Variants in IKBKB observed in about 807,000 individuals in gnomAD.
IKBKB encodes the protein inhibitor of nuclear factor kappa B kinase subunit beta.
IKBKB carries 42 observed loss-of-function variants against 113.6 expected under a neutral mutation model. That is an observed-to-expected ratio of 0.37 (90% CI 0.29 to 0.48). The LOEUF is 0.48. Ranked by LOEUF, IKBKB falls within the 20% of genes least tolerant of loss-of-function variation. The pLI is 0.99. For synonymous variants in IKBKB, 296 were observed against 361.3 expected, an observed-to-expected ratio of 0.82 and a Z score of 2.05; for missense variants, 673 against 939.7, an observed-to-expected ratio of 0.72 and a Z score of 3.71.
chr8:42,296,904 C>T (rs1434716127), intron 5 of IKBKB, among the ~76,000 whole-genome samples: 1 of 152,216 alleles, frequency 6.6e-6, no homozygotes, highest in Non-Finnish European at 1.5e-5. Context: ...AAGCTCCTAG[C>T]ACAATGCTCT....
intron 4 of IKBKB, among the ~76,000 whole-genome samples, chr8:42,292,900 G>A (rs569991029): frequency 6.6e-6 from 1 of 152,324 alleles, no homozygotes; most frequent in African/African-American, 2.4e-5. Flanking sequence ...TTACTCAGTG[G>A]TGGTGGTTAG....
intron 5 of IKBKB, among the ~76,000 whole-genome samples, chr8:42,304,113 T>C (rs1041896222): frequency 6.6e-6 from 1 of 152,324 alleles, no homozygotes; most frequent in Admixed American, 6.5e-5. Context: ...TGGATATAGC[T>C]AACATAGAGA....
chr8:42,308,380 C>T (rs1056308635), intron 7 of IKBKB, among the ~76,000 whole-genome samples: 6 of 151,506 alleles, frequency 4.0e-5, no homozygotes, highest in Non-Finnish European at 8.8e-5. Flanking sequence ...TCACTGCAAC[C>T]TCCACTTCCC....
intron 19 of IKBKB, chr8:42,325,484 G>A: frequency 1.3e-6 from 1 of 793,470 alleles, no homozygotes; most frequent in South Asian, 5.7e-5. Flanking sequence ...TTCGAGACCA[G>A]CCTGGCCAAT....
At chr8:42,271,551 C>T (rs1025087269) in intron 1 of IKBKB, 82 bp downstream of exon 1, 11 of 574,900 alleles carry the variant, frequency 1.9e-5, no homozygotes, top group Non-Finnish European at 3.0e-5. Context: ...GAAGACCCCT[C>T]TGTGCCGCTG....
At chr8:42,304,198 G>A (rs1816029552) in intron 5 of IKBKB, among the ~76,000 whole-genome samples, 1 of 152,170 alleles carries the variant, frequency 6.6e-6, no homozygotes, top group Admixed American at 6.5e-5. Flanking sequence ...AGTCTGTTGA[G>A]CTCTCTAGGC....
chr8:42,272,981 G>A (rs898152230), intron 2 of IKBKB, among the ~76,000 whole-genome samples: 1 of 151,070 alleles, frequency 6.6e-6, no homozygotes, highest in Admixed American at 6.6e-5. Flanking sequence ...GCCTTGGTGC[G>A]TACCTGTAGT....
At position 42,296,869 on chromosome 8, in the gene IKBKB, G is replaced by C. The variant is rs551279634; in HGVS notation, c.388+3357G>C. ...GCGTTACTCACCTTGTTAGAATTAT[G>C]GAATAAAATGAGGTGATATAAATAA... On this transcript the variant is annotated intron_variant, in intron 5 of 21. Transcript: ENST00000520810. Among the ~76,000 whole-genome samples, 8 of 152,234 alleles carry C rather than the reference G, an allele frequency of 5.3e-5. No homozygotes were observed. The South Asian group carries it at 1.7e-3, about 32-fold the overall frequency.
chr8:42,305,304 C>G, intron 6 of IKBKB, 29 bp downstream of exon 6: 1 of 1,456,474 alleles, frequency 6.9e-7, no homozygotes, highest in Non-Finnish European at 9.6e-7. Context: ...CTGGGAAAGC[C>G]TCAGGTGGGC....
Position 42,320,591 on chromosome 8 carries a change from A to T in IKBKB, c.1579-144A>T, listed in dbSNP as rs190531874. ...CCTAGATGCAGGCGCAGCCATTCAG[A>T]CCCCACAGTCCACATTCCTTTGAGC... is the stretch of plus-strand genomic sequence containing the variant. On this transcript the variant is annotated intron_variant, in intron 15 of 21. Coordinates refer to ENST00000520810, the MANE Select transcript of IKBKB (RefSeq NM_001556.3). 1.3e-3 allele frequency: 817 copies of T among 650,008 alleles called. 5 individuals carry two copies. The African/African-American group carries it at 0.014, about 11-fold the overall frequency. 40.3% of individuals were successfully genotyped at this position (650,008 alleles called of 1,614,324 possible).
chr8:42,330,804 G>A (rs537249781), intron 21 of IKBKB, 110 bp from the exon 22 acceptor site: 1 of 1,562,856 alleles, frequency 6.4e-7, no homozygotes, highest in Admixed American at 1.9e-5. Context: ...CACTGTGCCT[G>A]GCTGGGTTTT....
chr8:42,325,634 G>C, intron 19 of IKBKB: 2 of 1,032,426 alleles, frequency 1.9e-6, no homozygotes, highest in Non-Finnish European at 2.3e-6. Flanking sequence ...AGCCAAGATC[G>C]CACATCGCAC....
rs762513853 is a variant in IKBKB at position 42,322,403 on chromosome 8, T to C, written c.1895T>C (p.Val632Ala). ...ALELLPKVEE[V>A]VSLMNEDEKT... ...GAACTGTTGCCCAAGGTGGAAGAGG[T>C]GGTGAGCTTAATGAATGAGGATGAG... is the stretch of plus-strand genomic sequence containing the variant. Residue 632 changes from valine (V) to alanine (A), a missense_variant, in exon 19 of 22, where the codon GTG becomes GCG. Val to Ala is a moderately conservative substitution (Grantham distance 64, BLOSUM62 0). Around this residue, in one of 2 missense-constraint regions of IKBKB, gnomAD observed 506 missense variants for 638.7 expected, o/e 0.79. Coordinates refer to ENST00000520810, the MANE Select transcript of IKBKB (RefSeq NM_001556.3). 4 of 1,612,840 alleles carry C rather than the reference T, an allele frequency of 2.5e-6. No individual in the cohort carries two copies. In the East Asian group the frequency reaches 8.9e-5, roughly 36 times the overall value.
chr8:42,271,613 TC>T, intron 1 of IKBKB, 144 bp downstream of exon 1: 1 of 549,398 alleles, frequency 1.8e-6, no homozygotes. Context: ...GGGTTGGAGT[TC>T]GGGAAGCCGG....
intron 16 of IKBKB, chr8:42,321,677 A>AG: frequency 2.0e-6 from 1 of 509,936 alleles, no homozygotes; most frequent in Non-Finnish European, 3.5e-6. Context: ...GCATGCCACC[A>AG]TGCTCAGCTA....
intron 5 of IKBKB, among the ~76,000 whole-genome samples, chr8:42,304,034 T>C (rs1340651244): frequency 1.3e-5 from 2 of 152,266 alleles, no homozygotes; most frequent in South Asian, 4.1e-4. Context: ...TTTTGCTACA[T>C]GTATCCCATG....
intron 2 of IKBKB, among the ~76,000 whole-genome samples, chr8:42,282,047 A>G (rs763311524): frequency 1.3e-5 from 2 of 152,310 alleles, no homozygotes; most frequent in African/African-American, 2.4e-5. Context: ...ATGCTTATAT[A>G]TAAGTTTTAT....
chr8:42,284,332 C>T (rs1046417724), intron 2 of IKBKB, among the ~76,000 whole-genome samples: 1 of 152,152 alleles, frequency 6.6e-6, no homozygotes, highest in Non-Finnish European at 1.5e-5. Context: ...CCTGTAATCC[C>T]AGCACTTTGG....
At chr8:42,309,360 CAAATA>C (rs1817243368) in intron 8 of IKBKB, 1 of 374,400 alleles carries the variant, frequency 2.7e-6, no homozygotes, top group African/African-American at 2.1e-5. Flanking sequence ...TGTTAGTAAA[CAAATA>C]AAACACGTGT....
Sources: gnomAD v4.1 joint callset for allele counts (sites outside exome capture counted in the v4.1 genomes callset) on GRCh38, gnomAD v4.1.1 for gene constraint, gnomAD v4.1.1 regional missense constraint, MANE v1.5 for transcripts, NCBI Gene and HGNC (gene_info 2026-07-23, HGNC 2026-07-21) for gene names.